TSNAXIP1: variants seen among roughly 807,000 people sequenced by gnomAD.
TSNAXIP1 encodes translin-associated factor X-interacting protein 1.
In TSNAXIP1, 89 loss-of-function variants were observed where a neutral mutation model predicts 84.8. That is an observed-to-expected ratio of 1.05 (90% CI 0.88 to 1.25). The LOEUF (loss-of-function observed/expected upper bound fraction) is 1.25. Among genes scored for constraint, TSNAXIP1 ranks in the 50% most tolerant of loss-of-function variants. The pLI is 0.00. For missense variants in TSNAXIP1, 874 were observed against 887.6 expected, an observed-to-expected ratio of 0.98 and a Z score of 0.20; for synonymous variants, 347 against 335.2, an observed-to-expected ratio of 1.04 and a Z score of -0.39.
intron 1 of TSNAXIP1, among the ~76,000 whole-genome samples, chr16:67,808,569 G>A (rs573451523): frequency 2.0e-5 from 3 of 149,016 alleles, no homozygotes; most frequent in East Asian, 2.0e-4. Context: ...GCGAGACTAC[G>A]TCTCAAAAAA....
At chr16:67,814,958 T>C (rs1212396028) in intron 2 of TSNAXIP1, among the ~76,000 whole-genome samples, 3 of 152,128 alleles carry the variant, frequency 2.0e-5, no homozygotes, top group Non-Finnish European at 4.4e-5. Flanking sequence ...ATTCCTCTTT[T>C]TTAAAGTTTG....
intron 11 of TSNAXIP1, 52 bp downstream of exon 11, chr16:67,826,614 C>T: frequency 2.5e-6 from 4 of 1,612,794 alleles, no homozygotes; most frequent in Non-Finnish European, 3.4e-6. Flanking sequence ...ATCCAGAGTC[C>T]TCTGCAGGTC....
chr16:67,810,741 CT>C (rs759694744), intron 1 of TSNAXIP1, among the ~76,000 whole-genome samples: 1,819 of 145,076 alleles, frequency 0.013, 15 homozygotes, highest in Middle Eastern at 0.018. Context: ...ACATCTTAAA[CT>C]TTTTTTTTTT....
intron 4 of TSNAXIP1, among the ~76,000 whole-genome samples, chr16:67,823,252 G>T (rs1230252790): frequency 1.3e-5 from 2 of 152,102 alleles, no homozygotes; most frequent in African/African-American, 4.8e-5. Flanking sequence ...GCCCAGTAAA[G>T]AAAAAAACAG....
intron 4 of TSNAXIP1, among the ~76,000 whole-genome samples, chr16:67,822,278 CAAAAAAA>C (rs931299742): frequency 3.3e-4 from 17 of 51,944 alleles, no homozygotes; most frequent in East Asian, 6.5e-4. Context: ...GACTCCATCT[CAAAAAAA>C]AAAAAAAAAA....
intron 4 of TSNAXIP1, among the ~76,000 whole-genome samples, chr16:67,822,058 C>T (rs1028489309): frequency 6.6e-5 from 10 of 151,820 alleles, no homozygotes; most frequent in Non-Finnish European, 1.3e-4. Context: ...GCAGGCGGAT[C>T]ACCAGGTCAG....
intron 1 of TSNAXIP1, among the ~76,000 whole-genome samples, chr16:67,811,193 C>T (rs1488790417): frequency 2.7e-5 from 4 of 146,114 alleles, no homozygotes; most frequent in East Asian, 1.9e-4. Flanking sequence ...TGAGCCATCA[C>T]GCCCAAGCCC....
intron 6 of TSNAXIP1, 92 bp downstream of exon 6, chr16:67,824,871 G>C: frequency 1.4e-6 from 2 of 1,385,572 alleles, no homozygotes; most frequent in Non-Finnish European, 2.0e-6. Flanking sequence ...GCCTTTCTAC[G>C]GAGAGTGACA....
chr16:67,820,221 G>A (rs2056931925), intron 2 of TSNAXIP1, among the ~76,000 whole-genome samples: 1 of 151,946 alleles, frequency 6.6e-6, no homozygotes, highest in Non-Finnish European at 1.5e-5. Flanking sequence ...CTCCGAAAGT[G>A]CTGGGAATTA....
chr16:67,808,275 G>A (rs1171206427), intron 1 of TSNAXIP1, among the ~76,000 whole-genome samples: 1 of 151,696 alleles, frequency 6.6e-6, no homozygotes, highest in African/African-American at 2.4e-5. Context: ...ACAGAGAAAA[G>A]CCTACAAAAG....
chr16:67,825,886 G>T (rs150215219), intron 8 of TSNAXIP1, 31 bp from the exon 9 acceptor site: 29 of 1,613,886 alleles, frequency 1.8e-5, no homozygotes, highest in Non-Finnish European at 2.4e-5. Flanking sequence ...TCTCACAGGT[G>T]GGGGGCCAGG....
Position 67,823,662 on chromosome 16 carries a change from T to C in TSNAXIP1, c.424T>C (p.Phe142Leu), listed in dbSNP as rs2057230921. Residue 142 changes from phenylalanine (F) to leucine (L), a missense_variant, in exon 5 of 16, where the codon TTC (phenylalanine) becomes CTC (leucine). Physicochemically the swap from Phe to Leu is conservative, Grantham distance 22. Coordinates refer to ENST00000561639, the MANE Select transcript of TSNAXIP1 (RefSeq NM_001288990.3). The part of the protein sequence containing the change: ...REIFEFFIED[F>L]KTYKPLLSSI... ...GATCTTTGAGTTCTTCATAGAGGAC[T>C]TCAAAACGTACAAGCCATTACTATC... 7.4e-6 allele frequency: 12 copies of C among 1,613,852 alleles called. No homozygotes were observed. Among genetic ancestry groups the C allele is most frequent in the Non-Finnish European group, 1.0e-5 (12 of 1,179,852 alleles).
chr16:67,826,200 A>G lies in TSNAXIP1; in HGVS notation c.1193A>G (p.Lys398Arg), dbSNP rs762113647. The change falls in exon 10 of 16, where the codon AAG becomes AGG. Residue 398 changes from lysine to arginine, a missense_variant. Coordinates refer to ENST00000561639, the MANE Select transcript of TSNAXIP1 (RefSeq NM_001288990.3). ...CGCTGGCAGATGCTGGCTGAGGGCA[A>G]GAACAGCGACCAGCTGGTGGACGTG... is the stretch of plus-strand genomic sequence containing the variant. ...PERWQMLAEGKNSDQLVDVLL... is the reference protein window; with the variant it reads ...PERWQMLAEGRNSDQLVDVLL... 2 of 1,610,850 alleles carry G rather than the reference A, an allele frequency of 1.2e-6. No individual in the cohort carries two copies. The highest frequency in any genetic ancestry group is 1.7e-6 in the Non-Finnish European group (2 of 1,177,816).
In TSNAXIP1 at chr16:67,827,803, A is replaced by T; in HGVS notation, c.1949A>T (p.Asp650Val). The T allele has an allele frequency of 6.2e-7, 1 of 1,613,806 alleles. No individual in the cohort carries two copies. Among genetic ancestry groups the T allele is most frequent in the Non-Finnish European group, 8.5e-7 (1 of 1,179,966 alleles). ...CTGCGAGGGGGCCTGATGACCATCGACCCCAGCCTGGACAAGCAGACAGTG... is the reference window on the plus strand; with the variant it reads ...CTGCGAGGGGGCCTGATGACCATCGTCCCCAGCCTGGACAAGCAGACAGTG... ...PKLRGGLMTIDPSLDKQTVNT... is the reference protein window; with the variant it reads ...PKLRGGLMTIVPSLDKQTVNT... Residue 650 changes from aspartate to valine, a missense_variant, in exon 16 of 16, where the codon GAC becomes GTC. Physicochemically the swap from Asp to Val is radical, Grantham distance 152 (BLOSUM62 -3). Transcript: ENST00000561639.
chr16:67,817,004 C>T (rs1297221118), intron 2 of TSNAXIP1, among the ~76,000 whole-genome samples: 8 of 151,288 alleles, frequency 5.3e-5, no homozygotes, highest in Admixed American at 3.3e-4. Flanking sequence ...CCTCGCTCCT[C>T]GCCCAGGCTG....
chr16:67,825,203 A>G lies in TSNAXIP1; in HGVS notation c.745A>G (p.Lys249Glu). 6.2e-7 allele frequency: 1 copy of G among 1,614,186 alleles called. No homozygotes were observed. The highest frequency in any genetic ancestry group is 8.5e-7 in the Non-Finnish European group (1 of 1,180,028). The change falls in exon 7 of 16, where the codon AAG (lysine) becomes GAG (glutamate). Residue 249 changes from lysine to glutamate, a missense_variant. Coordinates refer to ENST00000561639, the MANE Select transcript of TSNAXIP1 (RefSeq NM_001288990.3). ...LHYLSERDAC[K>E]ILIADLNELR... ...CTACCTCAGTGAGCGAGATGCCTGT[A>G]AGATCCTCATCGCAGACCTGAATGA...
At position 67,825,182 on chromosome 16, in the gene TSNAXIP1, C is replaced by T. The variant is rs2057347284; in HGVS notation, c.724C>T (p.Leu242Phe). 1 of 1,614,164 alleles carries T rather than the reference C, an allele frequency of 6.2e-7. No homozygotes were observed. The highest frequency in any genetic ancestry group is 8.5e-7 in the Non-Finnish European group (1 of 1,180,034). ...CTTGGCTGAGGAGTACCTGCACTAC[C>T]TCAGTGAGCGAGATGCCTGTAAGAT... ...KNLAEEYLHY[L>F]SERDACKILI... The change falls in exon 7 of 16, where the codon CTC (leucine) becomes TTC (phenylalanine). Residue 242 changes from leucine (L) to phenylalanine (F), a missense_variant. Transcript: ENST00000561639.
chr16:67,821,004 G>T (rs1022535384), intron 3 of TSNAXIP1, 53 bp downstream of exon 3: 3 of 1,590,374 alleles, frequency 1.9e-6, no homozygotes, highest in Admixed American at 1.7e-5. Context: ...CAGGCTTTGG[G>T]CCAGGAGACA....
chr16:67,814,926 G>A (rs1335238355), intron 2 of TSNAXIP1, among the ~76,000 whole-genome samples: 3 of 152,024 alleles, frequency 2.0e-5, no homozygotes, highest in Non-Finnish European at 1.5e-5. Flanking sequence ...TCTCTACCAT[G>A]TTCACTCCGG....
Sources: gnomAD v4.1 joint callset for allele counts (sites outside exome capture counted in the v4.1 genomes callset) on GRCh38, gnomAD v4.1.1 for gene constraint, MANE v1.5 for transcripts, NCBI Gene and HGNC (gene_info 2026-07-23, HGNC 2026-07-21) for gene names.